Variants in CADPS observed in about 807,000 individuals in gnomAD.
CADPS encodes the protein calcium dependent secretion activator.
Under a neutral mutation model 167.3 loss-of-function variants are expected in CADPS, and 57 were observed. The observed-to-expected ratio is 0.34, with a 90% CI of 0.28 to 0.42. CADPS has a LOEUF of 0.42. CADPS is among the 20% of genes least tolerant of loss of function. CADPS has a pLI of 1.00. For synonymous variants in CADPS, 676 were observed against 635.3 expected (o/e 1.06, Z -0.96); for missense variants, 1,414 against 1,738.1 (o/e 0.81, Z 3.32).
intron 10 of CADPS, among the ~76,000 whole-genome samples, chr3:62,556,707 G>C (rs942880997): frequency 6.6e-6 from 1 of 151,902 alleles, no homozygotes; most frequent in Admixed American, 6.6e-5. Context: ...AGATAAAATG[G>C]GTGGGGGGAG....
chr3:62,775,268 G>A (rs1460780201), intron 1 of CADPS, among the ~76,000 whole-genome samples: 3 of 151,630 alleles, frequency 2.0e-5, no homozygotes, highest in African/African-American at 7.3e-5. Context: ...GGCCAGGCTG[G>A]TTTCAAACTC....
chr3:62,678,477 A>C (rs1162550321), intron 3 of CADPS, among the ~76,000 whole-genome samples: 1 of 152,016 alleles, frequency 6.6e-6, no homozygotes, highest in African/African-American at 2.4e-5. Flanking sequence ...TGATTCTAAC[A>C]TCTGTGTTTC....
intron 26 of CADPS, among the ~76,000 whole-genome samples, chr3:62,453,273 T>A (rs79110800): frequency 0.031 from 4,656 of 152,240 alleles, 99 homozygotes; most frequent in Middle Eastern, 0.068. Context: ...TTAAAAAAAA[T>A]TATGAATGTT....
chr3:62,795,882 G>A (rs2152767269), intron 1 of CADPS, among the ~76,000 whole-genome samples: 1 of 152,180 alleles, frequency 6.6e-6, no homozygotes, highest in South Asian at 2.1e-4. Flanking sequence ...GAGTAGAGAA[G>A]ACTGGGACCA....
At chr3:62,520,008 T>C (rs1441064120) in intron 13 of CADPS, among the ~76,000 whole-genome samples, 1 of 152,212 alleles carries the variant, frequency 6.6e-6, no homozygotes, top group African/African-American at 2.4e-5. Flanking sequence ...AGCATGTGCA[T>C]GCACACACTC....
intron 1 of CADPS, among the ~76,000 whole-genome samples, chr3:62,847,098 T>C (rs2077579932): frequency 6.6e-6 from 1 of 152,172 alleles, no homozygotes; most frequent in Non-Finnish European, 1.5e-5. Flanking sequence ...GAGAGCCTTT[T>C]CTAGTAGCCT....
chr3:62,463,227 C>G (rs952982822), intron 26 of CADPS, among the ~76,000 whole-genome samples: 4 of 152,174 alleles, frequency 2.6e-5, no homozygotes, highest in African/African-American at 9.7e-5. Flanking sequence ...CCCTGGACCA[C>G]CTTCCCATAG....
Position 62,814,833 on chromosome 3 carries a change from T to C in CADPS, c.442-48849A>G, listed in dbSNP as rs556922175. Among the ~76,000 whole-genome samples, 50 of 152,310 alleles carry C rather than the reference T, an allele frequency of 3.3e-4. 2 individuals are homozygous for C. In the South Asian group the frequency reaches 0.01, roughly 31 times the overall value. On this transcript the variant is annotated intron_variant, in intron 1 of 29. Transcript: ENST00000383710. ...TAAGCACAGGGAGTACCCACTCTTT[T>C]CCTCTTTCAGCTGTTTTTATTACGT...
chr3:62,692,867 T>C (rs1420531642), intron 3 of CADPS, among the ~76,000 whole-genome samples: 1 of 152,084 alleles, frequency 6.6e-6, no homozygotes, highest in Non-Finnish European at 1.5e-5. Context: ...GAAGGTCATG[T>C]CATGCCCATA....
intron 18 of CADPS, among the ~76,000 whole-genome samples, chr3:62,497,520 T>C (rs868549505): frequency 2.6e-4 from 39 of 152,176 alleles, no homozygotes; most frequent in Non-Finnish European, 3.2e-4. Flanking sequence ...GAACATCCTA[T>C]AGGATAGCGT....
intron 3 of CADPS, among the ~76,000 whole-genome samples, chr3:62,686,609 C>A (rs555812152): frequency 1.3e-5 from 2 of 152,038 alleles, no homozygotes; most frequent in South Asian, 2.1e-4. Context: ...CTAACATAAT[C>A]CCCATATTTC....
At position 62,779,500 on chromosome 3, in the gene CADPS, T is replaced by C. The variant is rs79154598; in HGVS notation, c.442-13516A>G. 2,457 of 539,582 alleles carry C rather than the reference T, an allele frequency of 4.6e-3. 17 individuals are homozygous for C. The highest frequency in any genetic ancestry group is 6.2e-3 in the Non-Finnish European group (1,641 of 264,384). 33.4% of individuals were successfully genotyped at this position (539,582 alleles called of 1,614,324 possible). A position where few individuals can be genotyped will look rare whatever the true frequency, so the allele number is the denominator to read the frequency against. On this transcript the variant is annotated intron_variant, in intron 1 of 29. Transcript: ENST00000383710. ...TCTGCCATCTTGGCTTTCCCTTCTC[T>C]GGCTTCAATCTTCTTGGCCCATCAT...
In CADPS at chr3:62,399,133, C is replaced by A. The variant is rs370201230; in HGVS notation, c.*273G>T. ...TTGATCTTTGCTGATAACAGGGACACGCCTAGTGGTTAGACTATGTATTCT... is the reference window on the plus strand; with the variant it reads ...TTGATCTTTGCTGATAACAGGGACAAGCCTAGTGGTTAGACTATGTATTCT... On this transcript the variant is annotated 3_prime_UTR_variant, in exon 30 of 30. Coordinates refer to ENST00000383710, the MANE Select transcript of CADPS (RefSeq NM_003716.4). The surrounding 1 kb of genome is among the most constrained non-coding windows in gnomAD (Gnocchi z 5.6). 81 of 344,602 alleles carry A rather than the reference C, an allele frequency of 2.4e-4. No individual in the cohort carries two copies. Among genetic ancestry groups the A allele is most frequent in the Non-Finnish European group, 2.3e-4 (43 of 185,050 alleles). 21.3% of individuals were successfully genotyped at this position (344,602 alleles called of 1,614,324 possible). A position where few individuals can be genotyped will look rare whatever the true frequency, so the allele number is the denominator to read the frequency against.
intron 1 of CADPS, among the ~76,000 whole-genome samples, chr3:62,816,688 T>C (rs910544569): frequency 5.9e-5 from 9 of 151,560 alleles, no homozygotes; most frequent in African/African-American, 2.2e-4. Context: ...AGTGCAGAAC[T>C]GTAAGAAGTT....
In CADPS at chr3:62,398,806, C is replaced by G. The variant is rs1056548; in HGVS notation, c.*600G>C. The G allele has an allele frequency of 6.8e-6, 1 of 146,732 alleles. No homozygotes were observed. The highest frequency in any genetic ancestry group is 1.5e-5 in the Non-Finnish European group (1 of 66,276). 9.1% of individuals were successfully genotyped at this position (146,732 alleles called of 1,614,324 possible). A position where few individuals can be genotyped will look rare whatever the true frequency, so the allele number is the denominator to read the frequency against. ...ATCAATCCATTGGTATGTAGCCATC[C>G]TTTTTTTTTTGGCTAATTATATGAG... On this transcript the variant is annotated 3_prime_UTR_variant, in exon 30 of 30. Transcript: ENST00000383710.
In CADPS at chr3:62,823,685, G is replaced by A. The variant is rs193277059; in HGVS notation, c.441+50904C>T. On this transcript the variant is annotated intron_variant, in intron 1 of 29. Coordinates refer to ENST00000383710, the MANE Select transcript of CADPS (RefSeq NM_003716.4). ...CTCCCAAAGGCCTAATCCTTTGATTGACAGTTACAGTCCTATCAGAAAAGC... is the reference window on the plus strand; with the variant it reads ...CTCCCAAAGGCCTAATCCTTTGATTAACAGTTACAGTCCTATCAGAAAAGC... Among the ~76,000 whole-genome samples the A allele has an allele frequency of 7.2e-5, 11 of 152,234 alleles. No individual in the cohort carries two copies. In the East Asian group the frequency reaches 2.1e-3, roughly 29 times the overall value.
chr3:62,643,894 A>G (rs1351854701), intron 6 of CADPS, among the ~76,000 whole-genome samples: 1 of 152,244 alleles, frequency 6.6e-6, no homozygotes, highest in Non-Finnish European at 1.5e-5. Context: ...CATTTGAGGA[A>G]TAACTGGGAT....
Position 62,656,637 on chromosome 3 carries a change from C to A in CADPS, c.970-5557G>T, listed in dbSNP as rs148265777. 6.6e-3 allele frequency among the ~76,000 whole-genome samples: 1,003 copies of A among 152,228 alleles called. 2 individuals carry two copies. Among genetic ancestry groups the A allele is most frequent in the Non-Finnish European group, 0.011 (752 of 68,010 alleles). On this transcript the variant is annotated intron_variant, in intron 4 of 29. Transcript: ENST00000383710. The stretch of plus-strand genomic sequence containing the variant: ...ATGGCTGAGCCCTCCACAGCAATGG[C>A]CATTCCACCATTACCCAGACAATGT...
At chr3:62,744,696 G>T (rs1271472602) in intron 3 of CADPS, among the ~76,000 whole-genome samples, 1 of 152,100 alleles carries the variant, frequency 6.6e-6, no homozygotes, top group Non-Finnish European at 1.5e-5. Context: ...ACAATTTTGT[G>T]GCTCAATGCA....
Sources: allele counts gnomAD v4.1 joint callset (sites outside exome capture counted in the v4.1 genomes callset), GRCh38; gene constraint gnomAD v4.1.1; non-coding constraint Gnocchi (gnomAD v3.1); transcripts MANE v1.5; gene names NCBI Gene and HGNC (gene_info 2026-07-23, HGNC 2026-07-21).